The following ERG variants were observed in gnomAD, a reference collection of about 807,000 sequenced individuals.
ERG encodes transcriptional regulator ERG.
ERG carries 9 observed loss-of-function variants against 55.3 expected under a neutral mutation model. The observed-to-expected ratio is 0.16, with a 90% confidence interval of 0.10 to 0.28. The LOEUF (loss-of-function observed/expected upper bound fraction) is 0.28, where lower values mean the gene tolerates loss of function less well. Among genes scored for constraint, ERG ranks in the 10% least tolerant of loss-of-function variants. The pLI is 1.00. For missense variants in ERG, 434 were observed against 631.6 expected, an observed-to-expected ratio of 0.69 and a Z score of 3.35; for synonymous variants, 223 against 237.3, an observed-to-expected ratio of 0.94 and a Z score of 0.55.
chr21:38,603,351 T>A (rs778360082), intron 1 of ERG, among the ~76,000 whole-genome samples: 1 of 152,062 alleles, frequency 6.6e-6, no homozygotes, highest in Non-Finnish European at 1.5e-5. Context: ...CCAGGCACGG[T>A]GGCTCACGCC....
At chr21:38,579,654 A>G (rs1343735566) in intron 1 of ERG, among the ~76,000 whole-genome samples, 5 of 152,154 alleles carry the variant, frequency 3.3e-5, no homozygotes, top group Non-Finnish European at 7.3e-5. Flanking sequence ...TGAGCTTCTC[A>G]CACCGCCACC....
chr21:38,392,443 A>G lies in ERG; in HGVS notation c.747T>C (p.Asp249=). Reference sequence around the variant, plus strand: ...ATCTCCTGGGGGGCTCATATGGTAAATCTGTAAAGACAAATAAATTGACTA... The same window carrying G: ...ATCTCCTGGGGGGCTCATATGGTAAGTCTGTAAAGACAAATAAATTGACTA... ...EATQRITTRP[D]LPYEPPRRSA... is the part of the protein sequence containing the mutation. The change falls in exon 7 of 10, where the codon GAT becomes GAC. Residue 249 remains aspartate, a splice_region_variant and synonymous_variant. Transcript: ENST00000288319. 1 of 1,525,704 alleles carries G rather than the reference A, an allele frequency of 6.6e-7. No homozygotes were observed. The highest frequency in any genetic ancestry group is 8.8e-7 in the Non-Finnish European group (1 of 1,135,854). 94.5% of individuals were successfully genotyped at this position (1,525,704 alleles called of 1,614,324 possible).
chr21:38,652,865 T>G (rs1248794399), intron 1 of ERG, among the ~76,000 whole-genome samples: 1 of 152,230 alleles, frequency 6.6e-6, no homozygotes, highest in Non-Finnish European at 1.5e-5. Flanking sequence ...GATGCCACTC[T>G]TGTTGGTGTG....
chr21:38,415,972 C>T (rs555117222), intron 3 of ERG, among the ~76,000 whole-genome samples: 304 of 152,254 alleles, frequency 2.0e-3, no homozygotes, highest in Admixed American at 7.7e-3. Flanking sequence ...AAATAACTCA[C>T]GCTAAGAGGA....
At chr21:38,655,941 C>G (rs1324960993) in intron 1 of ERG, among the ~76,000 whole-genome samples, 1 of 152,134 alleles carries the variant, frequency 6.6e-6, no homozygotes, top group African/African-American at 2.4e-5. Context: ...ATCTGCCTGC[C>G]TTGGAAAACA....
In ERG at chr21:38,383,209, T is replaced by C; in HGVS notation, c.*194A>G. On this transcript the variant is annotated 3_prime_UTR_variant, in exon 10 of 10. Coordinates refer to ENST00000288319, the MANE Select transcript of ERG (RefSeq NM_182918.4). The surrounding 1 kb of genome is among the most constrained non-coding windows in gnomAD (Gnocchi z 5.7). ...GTCCATATTCGTGACATTTTTAGCA[T>C]CCTCCTCATTTCTGTAGTAAGACTT... The C allele has an allele frequency of 7.8e-7, 1 of 1,289,998 alleles. No individual in the cohort carries two copies. The highest frequency in any genetic ancestry group is 2.8e-5 in the East Asian group (1 of 35,658). The allele number at this position is 1,289,998 out of a possible 1,614,324, so 79.9% of individuals were successfully genotyped here.
intron 6 of ERG, among the ~76,000 whole-genome samples, chr21:38,396,877 C>T (rs997332051): frequency 2.0e-5 from 3 of 151,954 alleles, no homozygotes; most frequent in African/African-American, 7.3e-5. Context: ...ACTGCAACAA[C>T]GTGAGAAACA....
chr21:38,518,197 AC>A (rs2146741211), intron 2 of ERG, among the ~76,000 whole-genome samples: 1 of 152,164 alleles, frequency 6.6e-6, no homozygotes, highest in African/African-American at 2.4e-5. Flanking sequence ...TATGCATGTA[AC>A]AAACTATCAC....
intron 3 of ERG, 141 bp downstream of exon 3, chr21:38,423,269 C>A: frequency 2.6e-6 from 2 of 779,136 alleles, no homozygotes; most frequent in Non-Finnish European, 3.9e-6. Context: ...TAGACCTCTG[C>A]CAGCTCCCAT....
intron 2 of ERG, among the ~76,000 whole-genome samples, chr21:38,433,003 G>A (rs528179184): frequency 1.3e-5 from 2 of 152,288 alleles, no homozygotes; most frequent in African/African-American, 4.8e-5. Flanking sequence ...AGCTGAGCAG[G>A]GCAGCCACGA....
At chr21:38,513,099 C>A (rs11088432) in intron 2 of ERG, among the ~76,000 whole-genome samples, 49,156 of 150,796 alleles carry the variant, frequency 0.33, 9,708 homozygotes, top group Non-Finnish European at 0.43. Context: ...CCACTGCACT[C>A]GAGCCTGACA....
At chr21:38,479,762 A>G (rs1186497306) in intron 1 of ERG, among the ~76,000 whole-genome samples, 24 of 152,150 alleles carry the variant, frequency 1.6e-4, no homozygotes. Flanking sequence ...AGCACTTACT[A>G]TCCACTGTGG....
chr21:38,487,143 C>A (rs1319358223), intron 1 of ERG, among the ~76,000 whole-genome samples: 1 of 32,066 alleles, frequency 3.1e-5, no homozygotes. Context: ...TTTTCACTAT[C>A]CTGGAAAAAA....
At chr21:38,371,914 T>A in the ERG span, among the ~76,000 whole-genome samples, 2 of 152,034 alleles carry the variant, frequency 1.3e-5, no homozygotes, top group African/African-American at 4.8e-5. Context: ...CTCCACCATA[T>A]TTTGGGAAAT....
chr21:38,380,709 A>G lies in ERG; in HGVS notation c.*2694T>C, dbSNP rs1987387516. ...GGAACTCAGTATTATCATGTTATCC[A>G]AAATTATCCCAGTTGCTCATAAGAC... is the stretch of plus-strand genomic sequence containing the variant. On this transcript the variant is annotated 3_prime_UTR_variant, in exon 10 of 10. Coordinates refer to ENST00000288319, the MANE Select transcript of ERG (RefSeq NM_182918.4). 9.4e-7 allele frequency: 1 copy of G among 1,064,884 alleles called. No homozygotes were observed. The highest frequency in any genetic ancestry group is 1.6e-5 in the African/African-American group (1 of 61,076). The allele number at this position is 1,064,884 out of a possible 1,614,324, so 66.0% of individuals were successfully genotyped here. A position where few individuals can be genotyped will look rare whatever the true frequency, so the allele number is the denominator to read the frequency against.
chr21:38,491,440 G>C (rs1269992693), intron 1 of ERG, among the ~76,000 whole-genome samples: 1 of 152,200 alleles, frequency 6.6e-6, no homozygotes, highest in Non-Finnish European at 1.5e-5. Context: ...GATTTAAAAA[G>C]TGGAATGTGT....
intron 2 of ERG, among the ~76,000 whole-genome samples, chr21:38,572,649 C>T (rs572913397): frequency 1.8e-4 from 28 of 152,270 alleles, no homozygotes; most frequent in Admixed American, 2.0e-4. Context: ...AATTCTACCT[C>T]GCAGCCAACA....
chr21:38,477,990 C>T (rs2059204530), intron 1 of ERG, among the ~76,000 whole-genome samples: 1 of 152,268 alleles, frequency 6.6e-6, no homozygotes, highest in Non-Finnish European at 1.5e-5. Context: ...TCCATCCTAA[C>T]ATTCGATCTT....
intron 6 of ERG, among the ~76,000 whole-genome samples, chr21:38,393,337 C>G (rs1456934904): frequency 3.3e-5 from 5 of 152,228 alleles, no homozygotes; most frequent in Non-Finnish European, 5.9e-5. Context: ...AAATATATTA[C>G]AGAAACCTTA....
Sources: allele counts gnomAD v4.1 joint callset (sites outside exome capture counted in the v4.1 genomes callset), GRCh38; gene constraint gnomAD v4.1.1; non-coding constraint Gnocchi (gnomAD v3.1); transcripts MANE v1.5; gene names NCBI Gene and HGNC (gene_info 2026-07-23, HGNC 2026-07-21).